RHOBTB1: variants seen among roughly 807,000 people sequenced by gnomAD.
RHOBTB1 encodes rho-related BTB domain-containing protein 1.
A neutral mutation model predicts 71.6 loss-of-function variants in RHOBTB1; 40 were observed. The observed-to-expected ratio is 0.56, with a 90% CI of 0.43 to 0.73. The LOEUF is 0.73. Among genes scored for constraint, RHOBTB1 ranks in the 30% least tolerant of loss-of-function variants. The pLI is 0.00. For synonymous variants in RHOBTB1, 319 were observed against 334.9 expected, an observed-to-expected ratio of 0.95 and a Z score of 0.52; for missense variants, 797 against 894.0, an observed-to-expected ratio of 0.89 and a Z score of 1.38.
At chr10:60,958,864 G>A (rs2085684444) in intron 2 of RHOBTB1, among the ~76,000 whole-genome samples, 1 of 152,082 alleles carries the variant, frequency 6.6e-6, no homozygotes, top group Non-Finnish European at 1.5e-5. Context: ...GACTCCCAAA[G>A]TGCTGGGATT....
rs1440903134 is a variant in RHOBTB1 at position 60,888,253 on chromosome 10, G to T, written c.1415C>A (p.Ala472Asp). 1 of 1,613,842 alleles carries T rather than the reference G, an allele frequency of 6.2e-7. No individual in the cohort carries two copies. The highest frequency in any genetic ancestry group is 1.3e-5 in the African/African-American group (1 of 74,880). The change falls in exon 6 of 11, where the codon GCC becomes GAC. Residue 472 changes from alanine to aspartate, a missense_variant. Transcript: ENST00000337910. Reference protein sequence around the residue: ...EITKAFHVRKANRIKECLSKG... With the variant: ...EITKAFHVRKDNRIKECLSKG... ...GCTGAGACACTCTTTTATCCGATTG[G>T]CTTTCCTTACGTGAAAGGCTTTCGT...
At chr10:60,877,195 A>T (rs2081089553) in intron 8 of RHOBTB1, 1 of 152,250 alleles carries the variant, frequency 6.6e-6, no homozygotes, top group East Asian at 1.9e-4. Context: ...TAGAAATGAT[A>T]CATAAGATTT....
At chr10:60,873,497 A>G (rs1250279560) in intron 9 of RHOBTB1, among the ~76,000 whole-genome samples, 2 of 152,162 alleles carry the variant, frequency 1.3e-5, no homozygotes, top group East Asian at 3.9e-4. Flanking sequence ...AGCAATAATC[A>G]TATTATTTCC....
At chr10:60,946,187 A>C (rs1021344316), upstream of RHOBTB1, among the ~76,000 whole-genome samples, 22 of 152,046 alleles carry the variant, frequency 1.4e-4, no homozygotes, top group African/African-American at 5.3e-4. Context: ...CAGAAAAAAA[A>C]AAAACAAAAA....
chr10:60,929,603 G>A (rs769264509), intron 2 of RHOBTB1, among the ~76,000 whole-genome samples: 20 of 152,210 alleles, frequency 1.3e-4, no homozygotes, highest in Non-Finnish European at 1.6e-4. Flanking sequence ...TAGTTATTTT[G>A]AATTTAGTTA....
intron 2 of RHOBTB1, among the ~76,000 whole-genome samples, chr10:60,960,961 G>A (rs2085756897): frequency 6.6e-6 from 1 of 152,072 alleles, no homozygotes; most frequent in Non-Finnish European, 1.5e-5. Context: ...ATTGACTTGG[G>A]GTTCGTGGGG....
In RHOBTB1 at chr10:60,871,235, A is replaced by C. The variant is rs929991663; in HGVS notation, c.*247T>G. On this transcript the variant is annotated 3_prime_UTR_variant, in exon 11 of 11. Transcript: ENST00000337910. ...ACTAAAGTTTATTAAGCCTCCTAAC[A>C]AAAAAAATATACATATCAGTTTAAG... The C allele has an allele frequency of 9.0e-6, 3 of 334,730 alleles. No individual in the cohort carries two copies. The highest frequency in any genetic ancestry group is 1.6e-5 in the Non-Finnish European group (3 of 186,446). 20.7% of individuals were successfully genotyped at this position (334,730 alleles called of 1,614,324 possible).
At chr10:60,931,892 A>T (rs916976192) in intron 2 of RHOBTB1, among the ~76,000 whole-genome samples, 15 of 152,186 alleles carry the variant, frequency 9.9e-5, no homozygotes, top group African/African-American at 3.6e-4. Context: ...CAAACAGAAG[A>T]TGAAAAATTC....
chr10:60,976,061 A>T (rs2086304125), intron 2 of RHOBTB1, among the ~76,000 whole-genome samples: 1 of 152,050 alleles, frequency 6.6e-6, no homozygotes, highest in South Asian at 2.1e-4. Context: ...GGGGAAAATG[A>T]TATATCCAAT....
At position 60,910,417 on chromosome 10, in the gene RHOBTB1, C is replaced by T. The variant is rs187769751; in HGVS notation, c.296+470G>A. Among the ~76,000 whole-genome samples the T allele has an allele frequency of 2.3e-3, 347 of 152,156 alleles. 1 individual carries two copies. Among genetic ancestry groups the T allele is most frequent in the African/African-American group, 8.0e-3 (334 of 41,528 alleles). ...ATTTTTCTTTCTTTTTAAAAATGACCTTCTAATAAAAATAATAGACTTTTC... is the reference window on the plus strand; with the variant it reads ...ATTTTTCTTTCTTTTTAAAAATGACTTTCTAATAAAAATAATAGACTTTTC... On this transcript the variant is annotated intron_variant, in intron 4 of 10. Transcript: ENST00000337910.
At chr10:60,933,649 C>T (rs572487275) in intron 2 of RHOBTB1, among the ~76,000 whole-genome samples, 4 of 151,436 alleles carry the variant, frequency 2.6e-5, no homozygotes, top group Non-Finnish European at 4.4e-5. Context: ...TGCAGTGAGC[C>T]GAGACCACGC....
In RHOBTB1 at chr10:60,888,365, G is replaced by C; in HGVS notation, c.1303C>G (p.Gln435Glu). 1 of 1,614,132 alleles carries C rather than the reference G, an allele frequency of 6.2e-7. No homozygotes were observed. ...AACATCTCGAGGACCTCTGCGATCT[G>C]AGCCAGGCCCACCAAATCCTTTTCC... ...EKEKDLVGLAQIAEVLEMFDL... is the reference protein window; with the variant it reads ...EKEKDLVGLAEIAEVLEMFDL... The change falls in exon 6 of 11, where the codon CAG becomes GAG. Residue 435 changes from glutamine (Q) to glutamate (E), a missense_variant. Physicochemically the swap from Gln to Glu is conservative, Grantham distance 29. Coordinates refer to ENST00000337910, the MANE Select transcript of RHOBTB1 (RefSeq NM_014836.5).
chr10:60,900,189 G>A (rs1277137508), intron 4 of RHOBTB1, among the ~76,000 whole-genome samples: 1 of 152,160 alleles, frequency 6.6e-6, no homozygotes, highest in South Asian at 2.1e-4. Flanking sequence ...GACTAAATTG[G>A]TGGCAAGGTA....
At chr10:60,903,227 T>C (rs867250970) in intron 4 of RHOBTB1, among the ~76,000 whole-genome samples, 1 of 152,132 alleles carries the variant, frequency 6.6e-6, no homozygotes, top group African/African-American at 2.4e-5. Flanking sequence ...AATTCTAACA[T>C]AATGCATGTT....
chr10:60,963,760 A>G (rs888267962), intron 2 of RHOBTB1, among the ~76,000 whole-genome samples: 27 of 152,194 alleles, frequency 1.8e-4, no homozygotes, highest in African/African-American at 6.3e-4. Flanking sequence ...TTATACCTGT[A>G]TCAAGTAATT....
rs537403343 is a variant in RHOBTB1 at position 60,995,498 on chromosome 10, T to C, written c.-163+5901A>G. Among the ~76,000 whole-genome samples, 30 of 152,302 alleles carry C rather than the reference T, an allele frequency of 2.0e-4. No individual in the cohort carries two copies. The South Asian group carries it at 3.7e-3, about 19-fold the overall frequency. ...TATCTCTGATAACCTCATTTTATCT[T>C]ACTGTTTAAAAGGCTTTGGGGAACA... On this transcript the variant is annotated intron_variant, in intron 1 of 11. Transcript: ENST00000357917.
In RHOBTB1 at chr10:60,888,488, T is replaced by G; in HGVS notation, c.1180A>C (p.Met394Leu). ...EMQVNPISKRMGPMTVVRMDA... is the reference protein window; with the variant it reads ...EMQVNPISKRLGPMTVVRMDA... ...ATCCTGACCACAGTCATGGGCCCCA[T>G]CCGCTTTGAAATGGGGTTGACTTGC... Residue 394 changes from methionine to leucine, a missense_variant, in exon 6 of 11, where the codon ATG becomes CTG. Physicochemically the swap from Met to Leu is conservative, Grantham distance 15. Around this residue, in one of 2 missense-constraint regions of RHOBTB1, gnomAD observed 658 missense variants for 681.5 expected, o/e 0.97. Transcript: ENST00000337910. 1 of 1,614,156 alleles carries G rather than the reference T, an allele frequency of 6.2e-7. No individual in the cohort carries two copies. Among genetic ancestry groups the G allele is most frequent in the Middle Eastern group, 1.6e-4 (1 of 6,062 alleles).
chr10:60,861,500 G>A, the RHOBTB1 span, among the ~76,000 whole-genome samples: 3 of 152,070 alleles, frequency 2.0e-5, no homozygotes, highest in East Asian at 5.8e-4. Flanking sequence ...CACTTCCTGG[G>A]TAGATTTCAA....
Position 60,964,742 on chromosome 10 carries a change from T to C in RHOBTB1, c.-62+21103A>G, listed in dbSNP as rs144675679. Among the ~76,000 whole-genome samples the C allele has an allele frequency of 5.2e-3, 785 of 152,196 alleles. 1 individual carries two copies. Among genetic ancestry groups the C allele is most frequent in the Non-Finnish European group, 7.0e-3 (479 of 67,986 alleles). On this transcript the variant is annotated intron_variant, in intron 2 of 11. Coordinates refer to the RHOBTB1 transcript ENST00000357917. ...TCTTTCTTAATGAAGTTAGTTTGTA[T>C]AGAGAAAAATATGCGAAAATTTCCA...
Sources: allele counts gnomAD v4.1 joint callset (sites outside exome capture counted in the v4.1 genomes callset), GRCh38; gene constraint gnomAD v4.1.1; regional missense constraint gnomAD v4.1.1; transcripts MANE v1.5; gene names NCBI Gene and HGNC (gene_info 2026-07-23, HGNC 2026-07-21).